Variants in KRT77 observed in about 807,000 individuals in gnomAD.
KRT77 encodes keratin 77, also known as keratin, type II cytoskeletal 1b.
KRT77 carries 44 observed loss-of-function variants against 51.5 expected under a neutral mutation model. The ratio of observed to expected loss-of-function variants is 0.85; its 90% CI spans 0.67 to 1.10. KRT77 has a LOEUF of 1.10. Among genes scored for constraint, KRT77 ranks in the 50% least tolerant of loss-of-function variants. KRT77 has a pLI of 0.00. For missense variants in KRT77, 763 were observed against 743.9 expected (o/e 1.03, Z -0.30); for synonymous variants, 293 against 302.0 (o/e 0.97, Z 0.31).
intron 1 of KRT77, among the ~76,000 whole-genome samples, chr12:52,700,553 C>A (rs185594970): frequency 2.6e-5 from 4 of 151,992 alleles, no homozygotes; most frequent in Non-Finnish European, 5.9e-5. Context: ...TGCTGGTGAG[C>A]AAGAAGAGAG....
chr12:52,698,040 G>T, intron 1 of KRT77, 144 bp from the exon 2 acceptor site: 3 of 1,421,790 alleles, frequency 2.1e-6, no homozygotes, highest in Non-Finnish European at 2.9e-6. Context: ...TCCTTTTCTC[G>T]GGATTGAGAC....
chr12:52,701,642 C>T (rs935274544), intron 1 of KRT77, among the ~76,000 whole-genome samples: 6 of 152,202 alleles, frequency 3.9e-5, no homozygotes, highest in East Asian at 1.9e-4. Context: ...CGCTGTGCCT[C>T]GACCTCCAGA....
chr12:52,694,985 G>A, intron 4 of KRT77, 195 bp from the exon 5 acceptor site: 1 of 404,614 alleles, frequency 2.5e-6, no homozygotes, highest in African/African-American at 2.0e-5. Flanking sequence ...GAAGGAAGGA[G>A]CCTAAACCTG....
chr12:52,700,939 A>G (rs1368945252), intron 1 of KRT77, among the ~76,000 whole-genome samples: 1 of 152,140 alleles, frequency 6.6e-6, no homozygotes, highest in Non-Finnish European at 1.5e-5. Context: ...GTCAGAAGTC[A>G]CCTGTCATAG....
At chr12:52,691,825 G>A in intron 8 of KRT77, 113 bp downstream of exon 8, 1 of 1,207,544 alleles carries the variant, frequency 8.3e-7, no homozygotes. Flanking sequence ...GGTGTCTATT[G>A]CACAGGACTG....
At position 52,697,640 on chromosome 12, in the gene KRT77, C is replaced by T. The variant is rs371195613; in HGVS notation, c.758+42G>A. 70 of 1,439,774 alleles carry T rather than the reference C, an allele frequency of 4.9e-5. No homozygotes were observed. The African/African-American group carries it at 6.4e-4, about 13-fold the overall frequency. The allele number at this position is 1,439,774 out of a possible 1,614,324, so 89.2% of individuals were successfully genotyped here. On this transcript the variant is annotated intron_variant, in intron 2 of 8. Transcript: ENST00000341809. ...ATGTCTTGCCCCTGTGACCAGTTTCCGGCCATGCTTCTCCCCTGTTTTGCC... is the reference window on the plus strand; with the variant it reads ...ATGTCTTGCCCCTGTGACCAGTTTCTGGCCATGCTTCTCCCCTGTTTTGCC...
In KRT77 at chr12:52,691,293, C is replaced by T. The variant is rs1486288029; in HGVS notation, c.1609G>A (p.Gly537Ser). The T allele has an allele frequency of 1.9e-6, 3 of 1,602,796 alleles. No homozygotes were observed. Among genetic ancestry groups the T allele is most frequent in the South Asian group, 1.1e-5 (1 of 90,308 alleles). Residue 537 changes from glycine to serine, a missense_variant, in exon 9 of 9, where the codon GGT becomes AGT. Physicochemically the swap from Gly to Ser is moderately conservative, Grantham distance 56. Transcript: ENST00000341809. ...CCGCCGCCGCAGCCGCTGCCATAAC[C>T]GCCTCCACTCCTGCCTCGTGCCCCG... ...GGGARGRSGG[G>S]YGSGCGGGGG...
chr12:52,691,959 G>T lies in KRT77; in HGVS notation c.1441C>A (p.Leu481Met). The T allele has an allele frequency of 6.2e-7, 1 of 1,613,970 alleles. No individual in the cohort carries two copies. The highest frequency in any genetic ancestry group is 1.1e-5 in the South Asian group (1 of 91,084). ...TTACAGATGCTCACATGGCTCTGCA[G>T]CTCTCCTGACATCCTGTAAAACCAA... Reference protein sequence around the residue: ...EGEESRMSGELQSHVSISVQN... With the variant: ...EGEESRMSGEMQSHVSISVQN... Residue 481 changes from leucine (L) to methionine (M), a missense_variant, in exon 8 of 9, where the codon CTG (leucine) becomes ATG (methionine). Coordinates refer to ENST00000341809, the MANE Select transcript of KRT77 (RefSeq NM_175078.3).
At position 52,691,966 on chromosome 12, in the gene KRT77, T is replaced by C. The variant is rs535823893; in HGVS notation, c.1434A>G (p.Ser478=). 1.6e-5 allele frequency: 26 copies of C among 1,613,932 alleles called. No individual in the cohort carries two copies. Among genetic ancestry groups the C allele is most frequent in the Admixed American group, 8.3e-5 (5 of 60,012 alleles). The part of the protein sequence containing the change: ...QLLEGEESRM[S]GELQSHVSIS... ...TGCTCACATGGCTCTGCAGCTCTCC[T>C]GACATCCTGTAAAACCAAAGCACAC... Residue 478 remains serine (S), a synonymous_variant, in exon 8 of 9, where the codon TCA becomes TCG. Coordinates refer to ENST00000341809, the MANE Select transcript of KRT77 (RefSeq NM_175078.3).
In KRT77 at chr12:52,690,052, C is replaced by T. The variant is rs1008932680; in HGVS notation, c.*1113G>A. 2 of 152,212 alleles carry T rather than the reference C, an allele frequency of 1.3e-5. No homozygotes were observed. The highest frequency in any genetic ancestry group is 2.4e-5 in the African/African-American group (1 of 41,418). 9.4% of individuals were successfully genotyped at this position (152,212 alleles called of 1,614,324 possible). ...TCCTGACTGACTTGGGGTTGGAACC[C>T]TTCCAAGACCCAAGTCAGATCCTCA... is the stretch of plus-strand genomic sequence containing the variant. On this transcript the variant is annotated 3_prime_UTR_variant, in exon 9 of 9. Transcript: ENST00000341809.
Position 52,703,141 on chromosome 12 carries a change from C to A in KRT77, c.294G>T (p.Gly98=), listed in dbSNP as rs1285848892. The A allele has an allele frequency of 3.7e-6, 6 of 1,610,930 alleles. No individual in the cohort carries two copies. Among genetic ancestry groups the A allele is most frequent in the Non-Finnish European group, 5.1e-6 (6 of 1,177,926 alleles). ...VGGFGGGRGF[G]VGSTGAGGFG... is the part of the protein sequence containing the mutation. ...AGCCACCAGCCCCGGTGCTGCCAAC[C>A]CCAAAGCCTCTGCCCCCTCCAAATC... The change falls in exon 1 of 9, where the codon GGG becomes GGT. Residue 98 remains glycine (G), a synonymous_variant. Coordinates refer to ENST00000341809, the MANE Select transcript of KRT77 (RefSeq NM_175078.3).
chr12:52,694,742 A>T lies in KRT77; in HGVS notation c.964T>A (p.Ser322Thr). Residue 322 changes from serine (S) to threonine (T), a missense_variant, in exon 5 of 9, where the codon TCC becomes ACC. Coordinates refer to ENST00000341809, the MANE Select transcript of KRT77 (RefSeq NM_175078.3). ...TCCAGGGAACGGTTATTGTCCATGG[A>T]CAGGATGACGTTGGTGTCGCTGATG... The part of the protein sequence containing the change: ...THISDTNVIL[S>T]MDNNRSLDLD... 1 of 1,612,866 alleles carries T rather than the reference A, an allele frequency of 6.2e-7. No individual in the cohort carries two copies. The highest frequency in any genetic ancestry group is 8.5e-7 in the Non-Finnish European group (1 of 1,179,070).
At chr12:52,696,590 A>C in intron 2 of KRT77, 160 bp from the exon 3 acceptor site, 1 of 650,720 alleles carries the variant, frequency 1.5e-6, no homozygotes, top group Admixed American at 2.3e-5. Context: ...AGAGGCTGGC[A>C]CTCTCATGGA....
chr12:52,693,857 C>T (rs982264365), intron 5 of KRT77, among the ~76,000 whole-genome samples: 1 of 150,872 alleles, frequency 6.6e-6, no homozygotes, highest in Non-Finnish European at 1.5e-5. Flanking sequence ...GCCAACATGG[C>T]AAAACCCTGC....
In KRT77 at chr12:52,690,656, G is replaced by A. The variant is rs1319241456; in HGVS notation, c.*509C>T. The A allele has an allele frequency of 5.6e-6, 1 of 177,772 alleles. No homozygotes were observed. Among genetic ancestry groups the A allele is most frequent in the Non-Finnish European group, 1.2e-5 (1 of 83,856 alleles). The allele number at this position is 177,772 out of a possible 1,614,324, so 11.0% of individuals were successfully genotyped here. A position where few individuals can be genotyped will look rare whatever the true frequency, so the allele number is the denominator to read the frequency against. On this transcript the variant is annotated 3_prime_UTR_variant, in exon 9 of 9. Transcript: ENST00000341809. ...ATACCAACTCTCCATTATGCGCCTT[G>A]TCGATGCTCTCTACAGGCTGTTTCT...
intron 2 of KRT77, chr12:52,696,891 G>A (rs1240753287): frequency 2.3e-5 from 4 of 171,752 alleles, no homozygotes; most frequent in Admixed American, 1.7e-4. Flanking sequence ...ACACACACTT[G>A]GATCTCTACT....
intron 1 of KRT77, among the ~76,000 whole-genome samples, chr12:52,701,278 G>A (rs754568110): frequency 5.3e-5 from 8 of 152,216 alleles, no homozygotes; most frequent in Non-Finnish European, 1.0e-4. Context: ...CTGAAGCGTG[G>A]TGATACTCAG....
intron 5 of KRT77, 146 bp downstream of exon 5, chr12:52,694,480 G>A: frequency 1.5e-6 from 1 of 689,306 alleles, no homozygotes; most frequent in Non-Finnish European, 2.2e-6. Flanking sequence ...GGTAGTGAGA[G>A]ATGGGTAATC....
chr12:52,696,613 C>CA (rs1412866426), intron 2 of KRT77, 183 bp from the exon 3 acceptor site: 30 of 606,372 alleles, frequency 4.9e-5, no homozygotes, highest in African/African-American at 4.4e-4. Flanking sequence ...AGGGCAGAGC[C>CA]AACTCCTAGG....
Sources: allele counts gnomAD v4.1 joint callset (sites outside exome capture counted in the v4.1 genomes callset), GRCh38; gene constraint gnomAD v4.1.1; transcripts MANE v1.5; gene names NCBI Gene and HGNC (gene_info 2026-07-23, HGNC 2026-07-21).